The following LCORL variants were observed in gnomAD, a reference collection of about 807,000 sequenced individuals.
The protein encoded by LCORL is ligand dependent nuclear receptor corepressor like.
A neutral mutation model predicts 141.8 loss-of-function variants in LCORL; 41 were observed. The ratio of observed to expected loss-of-function variants is 0.29; its 90% CI spans 0.23 to 0.38. The LOEUF (loss-of-function observed/expected upper bound fraction) is 0.38. Among genes scored for constraint, LCORL ranks in the 10% least tolerant of loss-of-function variants. LCORL has a pLI of 1.00. For missense variants in LCORL, 1,759 were observed against 2,035.0 expected (o/e 0.86, Z 2.61); for synonymous variants, 618 against 694.1 (o/e 0.89, Z 1.72).
At chr4:17,970,926 A>C (rs1395548445) in intron 2 of LCORL, among the ~76,000 whole-genome samples, 2 of 152,180 alleles carry the variant, frequency 1.3e-5, no homozygotes, top group Non-Finnish European at 2.9e-5. Flanking sequence ...ATAATATTGG[A>C]TAAAGTTCAT....
chr4:17,910,609 G>C (rs11945454), intron 4 of LCORL, among the ~76,000 whole-genome samples: 11,279 of 152,124 alleles, frequency 0.074, 950 homozygotes, highest in African/African-American at 0.21. Context: ...CTTCCAAACA[G>C]CATCTATCAT....
chr4:17,949,174 T>C (rs1360544698), intron 4 of LCORL, among the ~76,000 whole-genome samples: 1 of 152,080 alleles, frequency 6.6e-6, no homozygotes, highest in African/African-American at 2.4e-5. Flanking sequence ...TTGGTCTCTT[T>C]GGGCATATTC....
chr4:17,986,373 T>C (rs1275110192), intron 1 of LCORL, among the ~76,000 whole-genome samples: 1 of 152,218 alleles, frequency 6.6e-6, no homozygotes, highest in Admixed American at 6.5e-5. Flanking sequence ...TCTATTTCGC[T>C]GTCCCTTCTA....
At chr4:17,936,069 T>C (rs1361460563) in intron 4 of LCORL, among the ~76,000 whole-genome samples, 2 of 152,212 alleles carry the variant, frequency 1.3e-5, no homozygotes, top group East Asian at 1.9e-4. Flanking sequence ...TTAGAAAACA[T>C]ATAGCTAATG....
chr4:17,990,249 C>T (rs1719746859), intron 1 of LCORL, among the ~76,000 whole-genome samples: 1 of 151,982 alleles, frequency 6.6e-6, no homozygotes, highest in South Asian at 2.1e-4. Flanking sequence ...CAGGCGCCCA[C>T]CACCACGCCC....
chr4:18,007,552 A>AT (rs556011485), intron 1 of LCORL, among the ~76,000 whole-genome samples: 1 of 152,110 alleles, frequency 6.6e-6, no homozygotes, highest in Non-Finnish European at 1.5e-5. Context: ...TCCCCAGGAG[A>AT]TTGTGCTTCA....
At chr4:17,883,117 C>A (rs1181927331) in intron 6 of LCORL, 2 of 974,570 alleles carry the variant, frequency 2.1e-6, no homozygotes, top group Non-Finnish European at 2.4e-6. Context: ...TTATACATAT[C>A]CTTTAAGGTT....
At chr4:17,962,272 G>A (rs1468299461) in intron 3 of LCORL, among the ~76,000 whole-genome samples, 2 of 150,606 alleles carry the variant, frequency 1.3e-5, no homozygotes, top group South Asian at 4.2e-4. Flanking sequence ...AAAAAAAAGA[G>A]CATATGAAAC....
At chr4:17,916,389 C>A (rs1486753944) in intron 4 of LCORL, among the ~76,000 whole-genome samples, 2 of 152,116 alleles carry the variant, frequency 1.3e-5, no homozygotes, top group African/African-American at 2.4e-5. Flanking sequence ...TGGGGCAGAT[C>A]CCTCATGAAT....
chr4:17,995,920 G>C (rs1720852742), intron 1 of LCORL, among the ~76,000 whole-genome samples: 1 of 152,062 alleles, frequency 6.6e-6, no homozygotes, highest in African/African-American at 2.4e-5. Context: ...CACTGAGATA[G>C]ATACATCCTC....
At chr4:17,893,524 GTAGA>G (rs1729423244) in intron 5 of LCORL, 3 of 985,268 alleles carry the variant, frequency 3.0e-6, no homozygotes, top group Non-Finnish European at 2.4e-6. Context: ...TTGTGCACAG[GTAGA>G]TATTCTTCAG....
At chr4:17,981,772 G>A (rs904085478) in intron 1 of LCORL, among the ~76,000 whole-genome samples, 6 of 152,030 alleles carry the variant, frequency 3.9e-5, no homozygotes, top group Non-Finnish European at 8.8e-5. Context: ...TTTAGGTTCA[G>A]GGGTACATGT....
intron 5 of LCORL, chr4:17,893,716 T>C (rs1167717031): frequency 3.6e-6 from 1 of 277,400 alleles, no homozygotes; most frequent in Non-Finnish European, 5.5e-6. Flanking sequence ...AATGTGTTTT[T>C]ACAGCTGGTA....
rs1725682313 is a variant in LCORL at position 18,021,857 on chromosome 4, G to T, written c.-106C>A. The T allele has an allele frequency of 1.5e-6, 2 of 1,295,632 alleles. No homozygotes were observed. Among genetic ancestry groups the T allele is most frequent in the Non-Finnish European group, 1.0e-6 (1 of 992,424 alleles). The allele number at this position is 1,295,632 out of a possible 1,614,324, so 80.3% of individuals were successfully genotyped here. ...CCGGAGCGCGCGCCCCCCGGAGGGG[G>T]GTTGATTGACACGTGTCACTACCTT... On this transcript the variant is annotated 5_prime_UTR_variant, in exon 1 of 8. Transcript: ENST00000635767. The surrounding 1 kb of genome is among the most constrained non-coding windows in gnomAD (Gnocchi z 5.5).
chr4:18,018,297 T>C (rs1724929252), intron 1 of LCORL, among the ~76,000 whole-genome samples: 1 of 152,200 alleles, frequency 6.6e-6, no homozygotes, highest in African/African-American at 2.4e-5. Flanking sequence ...TACTATTTAC[T>C]ACATCCAATA....
At chr4:17,855,281 G>A (rs910065228) in intron 7 of LCORL, among the ~76,000 whole-genome samples, 1 of 151,878 alleles carries the variant, frequency 6.6e-6, no homozygotes, top group African/African-American at 2.4e-5. Flanking sequence ...AAATACCCAA[G>A]AAATATATAA....
At chr4:17,934,030 T>G (rs535263168) in intron 4 of LCORL, among the ~76,000 whole-genome samples, 1 of 152,218 alleles carries the variant, frequency 6.6e-6, no homozygotes, top group East Asian at 1.9e-4. Context: ...GGTCCTATGA[T>G]TTTAAGACTC....
At chr4:17,978,075 G>C (rs1717309034) in intron 1 of LCORL, among the ~76,000 whole-genome samples, 1 of 152,098 alleles carries the variant, frequency 6.6e-6, no homozygotes, top group Non-Finnish European at 1.5e-5. Flanking sequence ...TTTAATAGCA[G>C]TTTTAGTATA....
At chr4:18,008,429 A>T (rs1723154688) in intron 1 of LCORL, among the ~76,000 whole-genome samples, 1 of 152,196 alleles carries the variant, frequency 6.6e-6, no homozygotes, top group African/African-American at 2.4e-5. Flanking sequence ...TCTAAAATAA[A>T]ATGAAAACAG....
Sources: allele counts gnomAD v4.1 joint callset (sites outside exome capture counted in the v4.1 genomes callset), GRCh38; gene constraint gnomAD v4.1.1; non-coding constraint Gnocchi (gnomAD v3.1); transcripts MANE v1.5; gene names NCBI Gene and HGNC (gene_info 2026-07-23, HGNC 2026-07-21).